Variants in CELF3 observed in about 807,000 individuals in gnomAD.
CELF3 encodes the protein CUGBP Elav-like family member 3, also known as CAG repeat domain.
CELF3 carries 26 observed loss-of-function variants against 59.6 expected under a neutral mutation model. The ratio of observed to expected loss-of-function variants is 0.44; its 90% confidence interval spans 0.32 to 0.61. CELF3 has a LOEUF of 0.61. Ranked by LOEUF, CELF3 falls within the 20% of genes least tolerant of loss-of-function variation. The pLI, the probability that CELF3 is intolerant of heterozygous loss-of-function variation, is 0.06. For synonymous variants in CELF3, 245 were observed against 250.7 expected, an observed-to-expected ratio of 0.98 and a Z score of 0.22; for missense variants, 387 against 627.2, an observed-to-expected ratio of 0.62 and a Z score of 4.09.
chr1:151,712,314 T>C (rs1358718563), intron 2 of CELF3, among the ~76,000 whole-genome samples: 1 of 152,146 alleles, frequency 6.6e-6, no homozygotes, highest in Non-Finnish European at 1.5e-5. Flanking sequence ...CCTTCATCTT[T>C]CTCGCCAATA....
intron 2 of CELF3, among the ~76,000 whole-genome samples, chr1:151,712,925 GCA>G (rs759074184): frequency 1.1e-4 from 17 of 152,102 alleles, no homozygotes; most frequent in African/African-American, 3.4e-4. Context: ...ACTCATGCAT[GCA>G]CACACACACT....
At position 151,716,153 on chromosome 1, in the gene CELF3, A is replaced by G; in HGVS notation, c.-133T>C. On this transcript the variant is annotated 5_prime_UTR_variant, in exon 1 of 13. Coordinates refer to ENST00000290583, the MANE Select transcript of CELF3 (RefSeq NM_007185.7). ...CTGGCTTTCCCTTTGGCCCCCAACC[A>G]CGCTGCTAAGCAGAGGGGCGGCTCT... 1.1e-6 allele frequency: 1 copy of G among 876,582 alleles called. No homozygotes were observed. Among genetic ancestry groups the G allele is most frequent in the Non-Finnish European group, 1.7e-6 (1 of 590,036 alleles). 54.3% of individuals were successfully genotyped at this position (876,582 alleles called of 1,614,324 possible). A position where few individuals can be genotyped will look rare whatever the true frequency, so the allele number is the denominator to read the frequency against.
At chr1:151,715,639 T>C in intron 1 of CELF3, 1 of 1,493,090 alleles carries the variant, frequency 6.7e-7, no homozygotes, top group Non-Finnish European at 8.9e-7. Context: ...GGGATCCACA[T>C]CTTTGCAGCC....
At position 151,702,492 on chromosome 1, in the gene CELF3, C is replaced by CT. The variant is rs973648331; in HGVS notation, c.*966dup. On this transcript the variant is annotated 3_prime_UTR_variant, in exon 13 of 13. Coordinates refer to ENST00000290583, the MANE Select transcript of CELF3 (RefSeq NM_007185.7). Reference sequence around the variant, plus strand: ...AAATAAATAAGTTAAGCATAGAGAACTGTCTGAAACTGACTCCCCGGTCTC... The same window carrying CT: ...AAATAAATAAGTTAAGCATAGAGAACTTGTCTGAAACTGACTCCCCGGTCTC... 4 of 152,138 alleles carry CT rather than the reference C, an allele frequency of 2.6e-5. No homozygotes were observed. Among genetic ancestry groups the CT allele is most frequent in the Non-Finnish European group, 5.9e-5 (4 of 68,038 alleles). The allele number at this position is 152,138 out of a possible 1,614,324, so 9.4% of individuals were successfully genotyped here.
intron 10 of CELF3, 117 bp downstream of exon 10, chr1:151,706,107 C>A: frequency 1.3e-6 from 2 of 1,597,226 alleles, no homozygotes; most frequent in South Asian, 2.2e-5. Context: ...CCGGCCACTC[C>A]CTCCCCACTT....
At chr1:151,711,757 C>G (rs988374703) in intron 2 of CELF3, 21 of 152,496 alleles carry the variant, frequency 1.4e-4, no homozygotes, top group African/African-American at 5.1e-4. Context: ...CCAAAAGAAG[C>G]AGAATCAGAA....
chr1:151,706,593 C>T, intron 9 of CELF3, 76 bp downstream of exon 9: 1 of 1,456,488 alleles, frequency 6.9e-7, no homozygotes, highest in Non-Finnish European at 9.4e-7. Flanking sequence ...CCAAGAAGCC[C>T]AGACCCAGTT....
rs2102769994 is a variant in CELF3, at chr1:151,705,744, A to G, written c.1270+78T>C. The G allele has an allele frequency of 1.1e-5, 17 of 1,484,494 alleles. No homozygotes were observed. The highest frequency in any genetic ancestry group is 1.5e-5 in the Non-Finnish European group (16 of 1,081,396). 92.0% of individuals were successfully genotyped at this position (1,484,494 alleles called of 1,614,324 possible). A position where few individuals can be genotyped will look rare whatever the true frequency, so the allele number is the denominator to read the frequency against. Reference sequence around the variant, plus strand: ...TATTTCAAATACTGGGTCCACTGTGACCATAAATGCCTTCAAATATATTAG... The same window carrying G: ...TATTTCAAATACTGGGTCCACTGTGGCCATAAATGCCTTCAAATATATTAG... On this transcript the variant is annotated intron_variant, in intron 11 of 12. Transcript: ENST00000290583. The surrounding 1 kb of genome is among the most constrained non-coding windows in gnomAD (Gnocchi z 5.1).
intron 1 of CELF3, chr1:151,715,532 A>C: frequency 9.6e-7 from 1 of 1,044,218 alleles, no homozygotes; most frequent in Non-Finnish European, 1.3e-6. Flanking sequence ...GCACACACAC[A>C]CACACCCCTA....
intron 5 of CELF3, among the ~76,000 whole-genome samples, chr1:151,708,627 A>G (rs1055793505): frequency 2.0e-5 from 3 of 152,070 alleles, no homozygotes; most frequent in African/African-American, 7.2e-5. Flanking sequence ...GCTGCTGTGC[A>G]GGGGCAGGGA....
At chr1:151,706,995 C>A in intron 8 of CELF3, 150 bp downstream of exon 8, 1 of 1,029,972 alleles carries the variant, frequency 9.7e-7, no homozygotes, top group African/African-American at 1.6e-5. Context: ...TGGCCGAGCC[C>A]AACAGGAAGG....
rs556341874 is a variant in CELF3, at chr1:151,702,847, G to A, written c.*612C>T. ...AGGTCTTTTCCTCGTGAAAGGAGGAGGGTCTCTGTGGCTGACTGGCAGAGA... is the reference window on the plus strand; with the variant it reads ...AGGTCTTTTCCTCGTGAAAGGAGGAAGGTCTCTGTGGCTGACTGGCAGAGA... On this transcript the variant is annotated 3_prime_UTR_variant, in exon 13 of 13. Coordinates refer to ENST00000290583, the MANE Select transcript of CELF3 (RefSeq NM_007185.7). The A allele has an allele frequency of 3.9e-5, 9 of 228,768 alleles. No homozygotes were observed. Among genetic ancestry groups the A allele is most frequent in the Non-Finnish European group, 5.4e-5 (6 of 110,934 alleles). The allele number at this position is 228,768 out of a possible 1,614,324, so 14.2% of individuals were successfully genotyped here.
chr1:151,710,383 A>G (rs1672914732), intron 2 of CELF3: 1 of 295,248 alleles, frequency 3.4e-6, no homozygotes. Context: ...GCAACCGCCC[A>G]CTCAGCCTGA....
Position 151,702,041 on chromosome 1 carries a change from A to C in CELF3, c.*1418T>G. ...ATCACATATGGAGCAGTGGTTAGTA[A>C]ATGGTGGTGTCACAACTGGCTCCCA... On this transcript the variant is annotated 3_prime_UTR_variant, in exon 13 of 13. Transcript: ENST00000290583. 6.6e-6 allele frequency among the ~76,000 whole-genome samples: 1 copy of C among 152,246 alleles called. No individual in the cohort carries two copies. The highest frequency in any genetic ancestry group is 1.9e-4 in the East Asian group (1 of 5,202).
At chr1:151,712,577 C>T (rs1339110250) in intron 2 of CELF3, among the ~76,000 whole-genome samples, 1 of 152,220 alleles carries the variant, frequency 6.6e-6, no homozygotes, top group Non-Finnish European at 1.5e-5. Flanking sequence ...CCCACTCCAC[C>T]ACCTCCATGA....
At chr1:151,712,487 A>G (rs1673107484) in intron 2 of CELF3, among the ~76,000 whole-genome samples, 1 of 152,196 alleles carries the variant, frequency 6.6e-6, no homozygotes, top group South Asian at 2.1e-4. Context: ...TCCTGACTGC[A>G]GACCGACAGG....
Position 151,701,148 on chromosome 1 carries a change from T to G in CELF3, c.*2311A>C, listed in dbSNP as rs549335571. The G allele has an allele frequency of 3.9e-5, 6 of 152,258 alleles. No individual in the cohort carries two copies. Among genetic ancestry groups the G allele is most frequent in the African/African-American group, 1.4e-4 (6 of 41,520 alleles). The allele number at this position is 152,258 out of a possible 1,614,324, so 9.4% of individuals were successfully genotyped here. On this transcript the variant is annotated 3_prime_UTR_variant, in exon 13 of 13. Coordinates refer to ENST00000290583, the MANE Select transcript of CELF3 (RefSeq NM_007185.7). ...AGATGCAGAGACATGAGTAAGTAAATCAGCTGAATACTTTAGAGGTAGACT... is the reference window on the plus strand; with the variant it reads ...AGATGCAGAGACATGAGTAAGTAAAGCAGCTGAATACTTTAGAGGTAGACT...
At position 151,709,126 on chromosome 1, in the gene CELF3, G is replaced by C. The variant is rs551541281; in HGVS notation, c.407-49C>G. 6.2e-7 allele frequency: 1 copy of C among 1,607,086 alleles called. No homozygotes were observed. The highest frequency in any genetic ancestry group is 1.3e-5 in the African/African-American group (1 of 74,806). ...GAGAGGGGTAAGCACCCATCCCTGC[G>C]GGACCCCGCGGTGGAACCCGATGCC... On this transcript the variant is annotated intron_variant, in intron 4 of 12. Coordinates refer to ENST00000290583, the MANE Select transcript of CELF3 (RefSeq NM_007185.7). The surrounding 1 kb of genome is among the most constrained non-coding windows in gnomAD (Gnocchi z 4.9).
At chr1:151,704,844 T>A (rs1310803465) in intron 12 of CELF3, among the ~76,000 whole-genome samples, 187 bp downstream of exon 12, 1 of 143,402 alleles carries the variant, frequency 7.0e-6, no homozygotes, top group African/African-American at 2.7e-5. Flanking sequence ...AGAGAGAGAG[T>A]GACTCAGATT....
Sources: allele counts gnomAD v4.1 joint callset (sites outside exome capture counted in the v4.1 genomes callset), GRCh38; gene constraint gnomAD v4.1.1; non-coding constraint Gnocchi (gnomAD v3.1); transcripts MANE v1.5; gene names NCBI Gene and HGNC (gene_info 2026-07-23, HGNC 2026-07-21).